Variants in CDC42BPB observed in about 807,000 individuals in gnomAD.
CDC42BPB encodes CDC42 binding protein kinase beta, also known as serine/threonine-protein kinase MRCK beta.
In CDC42BPB, 37 loss-of-function variants were observed where a neutral mutation model predicts 214.9. The observed-to-expected ratio is 0.17, with a 90% CI of 0.13 to 0.23. CDC42BPB has a LOEUF of 0.23. Among genes scored for constraint, CDC42BPB ranks in the 10% least tolerant of loss-of-function variants. The probability of loss-of-function intolerance (pLI) is 1.00; values close to 1 mark genes in which losing one functional copy is unlikely to be tolerated. For synonymous variants in CDC42BPB, 931 were observed against 884.0 expected (o/e 1.05, Z -0.94); for missense variants, 1,694 against 2,227.0 (o/e 0.76, Z 4.82).
chr14:103,041,297 A>C (rs886064397), intron 1 of CDC42BPB, among the ~76,000 whole-genome samples: 1 of 152,256 alleles, frequency 6.6e-6, no homozygotes, highest in Non-Finnish European at 1.5e-5. Flanking sequence ...AAAGAACTAA[A>C]CGTAAATGCT....
chr14:102,996,578 C>T (rs1354442127), intron 5 of CDC42BPB, among the ~76,000 whole-genome samples: 2 of 151,870 alleles, frequency 1.3e-5, no homozygotes, highest in Admixed American at 6.6e-5. Flanking sequence ...TTTGGGAGGC[C>T]GAGGTGGGTG....
At chr14:103,051,850 T>C (rs926530224) in intron 1 of CDC42BPB, among the ~76,000 whole-genome samples, 2 of 149,938 alleles carry the variant, frequency 1.3e-5, no homozygotes, top group Non-Finnish European at 2.9e-5. Flanking sequence ...AAGAGGTTTT[T>C]TGTTTTTTTT....
chr14:103,025,486 T>G (rs1886998290), intron 1 of CDC42BPB, among the ~76,000 whole-genome samples: 1 of 149,016 alleles, frequency 6.7e-6, no homozygotes. Context: ...GTAGTATTCA[T>G]GTAATGAACT....
intron 1 of CDC42BPB, among the ~76,000 whole-genome samples, chr14:103,032,376 T>C (rs1326611300): frequency 1.3e-5 from 2 of 151,990 alleles, no homozygotes; most frequent in African/African-American, 2.4e-5. Flanking sequence ...TTTACATCGA[T>C]TGAACCCCCA....
intron 8 of CDC42BPB, 125 bp from the exon 9 acceptor site, chr14:102,978,330 G>A: frequency 6.6e-7 from 1 of 1,509,868 alleles, no homozygotes; most frequent in Non-Finnish European, 8.8e-7. Flanking sequence ...GGAGAATGCG[G>A]ATTCCATGGT....
At chr14:103,010,280 C>T (rs1348032475) in intron 2 of CDC42BPB, among the ~76,000 whole-genome samples, 1 of 152,194 alleles carries the variant, frequency 6.6e-6, no homozygotes, top group Non-Finnish European at 1.5e-5. Flanking sequence ...GAGCAAGACC[C>T]TATCTCAAAC....
intron 1 of CDC42BPB, among the ~76,000 whole-genome samples, chr14:103,056,691 T>C (rs1229617733): frequency 2.8e-5 from 1 of 35,220 alleles, no homozygotes; most frequent in African/African-American, 1.2e-4. Flanking sequence ...GGGGTGGGAG[T>C]GGGAACGTAG....
At chr14:102,979,293 A>G (rs1213758538) in intron 8 of CDC42BPB, among the ~76,000 whole-genome samples, 1 of 151,790 alleles carries the variant, frequency 6.6e-6, no homozygotes, top group Non-Finnish European at 1.5e-5. Context: ...AGGCACTGCA[A>G]CTTCCACCTC....
intron 1 of CDC42BPB, chr14:103,041,522 T>C: frequency 1.4e-6 from 2 of 1,392,646 alleles, no homozygotes; most frequent in Non-Finnish European, 2.0e-6. Context: ...GACTGGCAGC[T>C]GGCTCGTGGC....
intron 19 of CDC42BPB, 58 bp from the exon 20 acceptor site, chr14:102,963,213 T>C (rs541263237): frequency 6.4e-6 from 10 of 1,559,474 alleles, no homozygotes; most frequent in South Asian, 3.5e-5. Flanking sequence ...TGTGAGCTGG[T>C]ATGGGGCAGG....
intron 12 of CDC42BPB, chr14:102,972,419 G>T: frequency 1.3e-6 from 1 of 743,038 alleles, no homozygotes; most frequent in Non-Finnish European, 1.6e-6. Flanking sequence ...GGGCACAGTG[G>T]CTCACACCTG....
chr14:102,968,759 T>C (rs1893339002), intron 14 of CDC42BPB, 43 bp from the exon 15 acceptor site: 2 of 1,605,358 alleles, frequency 1.2e-6, no homozygotes, highest in East Asian at 2.2e-5. Context: ...CTCTGTGTCC[T>C]CAAGGGTCAC....
At chr14:102,985,676 G>C (rs556793793) in intron 6 of CDC42BPB, among the ~76,000 whole-genome samples, 1 of 152,254 alleles carries the variant, frequency 6.6e-6, no homozygotes. Context: ...TTGAAAATCC[G>C]CCAGTAGGCA....
intron 4 of CDC42BPB, among the ~76,000 whole-genome samples, chr14:103,002,254 C>T (rs942930745): frequency 5.9e-5 from 9 of 152,228 alleles, no homozygotes; most frequent in Non-Finnish European, 1.0e-4. Context: ...CCGCAGAAGC[C>T]GGCCCCGCAG....
chr14:102,980,766 C>T lies in CDC42BPB; in HGVS notation c.1140+7G>A. The stretch of plus-strand genomic sequence containing the variant: ...AGCAACCCTGAGAACGGTGCTTTCA[C>T]ACTCACCGTGTTTCTCAGCACGTCG... On this transcript the variant is annotated splice_region_variant and intron_variant, in intron 8 of 36. Coordinates refer to ENST00000361246, the MANE Select transcript of CDC42BPB (RefSeq NM_006035.4). The T allele has an allele frequency of 1.2e-6, 2 of 1,613,618 alleles. No homozygotes were observed. The highest frequency in any genetic ancestry group is 8.5e-7 in the Non-Finnish European group (1 of 1,179,544).
At chr14:103,043,672 C>G (rs927119310) in intron 1 of CDC42BPB, among the ~76,000 whole-genome samples, 1 of 150,990 alleles carries the variant, frequency 6.6e-6, no homozygotes, top group African/African-American at 2.4e-5. Flanking sequence ...CTCGATAAAG[C>G]TGTTACAAAA....
At chr14:102,963,254 G>A in intron 19 of CDC42BPB, 99 bp from the exon 20 acceptor site, 2 of 1,491,224 alleles carry the variant, frequency 1.3e-6, no homozygotes. Context: ...TTTCTCCCCA[G>A]CACTCAGGAC....
intron 12 of CDC42BPB, 160 bp from the exon 13 acceptor site, chr14:102,972,321 T>A (rs532409659): frequency 1.0e-6 from 1 of 985,412 alleles, no homozygotes; most frequent in African/African-American, 1.7e-5. Context: ...ACCTGTGCTC[T>A]GTCTCGTGCC....
At position 102,952,216 on chromosome 14, in the gene CDC42BPB, C is replaced by T. The variant is rs911629; in HGVS notation, c.3172+282G>A. 1.6e-3 allele frequency among the ~76,000 whole-genome samples: 245 copies of T among 152,296 alleles called. 2 individuals carry two copies. The highest frequency in any genetic ancestry group is 5.7e-3 in the African/African-American group (235 of 41,542). ...AAAAATTTAAAAATAGCCAGGCATG[C>T]TGGTGGTGTGTGTGTCTGAGGTCTC... On this transcript the variant is annotated intron_variant, in intron 24 of 36. Transcript: ENST00000361246.
Sources: gnomAD v4.1 joint callset for allele counts (sites outside exome capture counted in the v4.1 genomes callset) on GRCh38, gnomAD v4.1.1 for gene constraint, MANE v1.5 for transcripts, NCBI Gene and HGNC (gene_info 2026-07-23, HGNC 2026-07-21) for gene names.